Variants in CSMD3 observed in about 807,000 individuals in gnomAD.
CSMD3 encodes the protein CUB and Sushi multiple domains 3, also known as CUB and sushi domain-containing protein 3.
A neutral mutation model predicts 435.2 loss-of-function variants in CSMD3; 177 were observed. The ratio of observed to expected loss-of-function variants is 0.41; its 90% confidence interval spans 0.36 to 0.46. CSMD3 has a LOEUF of 0.46. Among genes scored for constraint, CSMD3 ranks in the 20% least tolerant of loss-of-function variants. The pLI, the probability that CSMD3 is intolerant of heterozygous loss-of-function variation, is 0.34. For synonymous variants in CSMD3, 1,656 were observed against 1,520.5 expected (o/e 1.09, Z -2.07); for missense variants, 4,265 against 4,504.6 (o/e 0.95, Z 1.52).
At chr8:112,727,605 C>CTA (rs200303477) in intron 13 of CSMD3, among the ~76,000 whole-genome samples, 9 of 151,426 alleles carry the variant, frequency 5.9e-5, no homozygotes, top group Non-Finnish European at 1.0e-4. Flanking sequence ...GACCATCAGC[C>CTA]TATATATATA....
At chr8:113,076,529 G>C (rs2089344163) in intron 5 of CSMD3, among the ~76,000 whole-genome samples, 1 of 151,898 alleles carries the variant, frequency 6.6e-6, no homozygotes, top group Non-Finnish European at 1.5e-5. Flanking sequence ...AGAAAAATGT[G>C]ATTAATGTAA....
At chr8:112,343,001 T>TTATATATATATATTTATATA (rs1825305324) in intron 41 of CSMD3, among the ~76,000 whole-genome samples, 1 of 109,678 alleles carries the variant, frequency 9.1e-6, no homozygotes, top group African/African-American at 3.5e-5. Context: ...ATATATATAT[T>TTATATATATATATTTATATA]TATATATATA....
At chr8:112,592,192 A>G (rs1831249807) in intron 22 of CSMD3, among the ~76,000 whole-genome samples, 2 of 152,044 alleles carry the variant, frequency 1.3e-5, no homozygotes, top group South Asian at 4.1e-4. Context: ...TTAAATAGGC[A>G]TTTCAATAAT....
chr8:113,298,941 TA>T (rs1322556862), intron 2 of CSMD3, among the ~76,000 whole-genome samples: 1 of 152,080 alleles, frequency 6.6e-6, no homozygotes, highest in Non-Finnish European at 1.5e-5. Context: ...AAGATAGGAG[TA>T]AAAAATATTT....
At chr8:112,501,428 T>C (rs1586534447) in intron 30 of CSMD3, among the ~76,000 whole-genome samples, 1 of 148,966 alleles carries the variant, frequency 6.7e-6, no homozygotes, top group South Asian at 2.1e-4. Context: ...AATCTCAGTA[T>C]GCAAAATAGG....
rs553352261 is a variant in CSMD3 at position 113,139,763 on chromosome 8, G to A, written c.709+33959C>T. 1.9e-4 allele frequency among the ~76,000 whole-genome samples: 28 copies of A among 151,178 alleles called. No individual in the cohort carries two copies. In the South Asian group the frequency reaches 5.2e-3, roughly 28 times the overall value. On this transcript the variant is annotated intron_variant, in intron 4 of 70. Transcript: ENST00000297405. ...TACACCAAACAATATAAAGAGATTG[G>A]CAAAGTTGATTGGAAAGCAGGACTC...
rs192606623 is a variant in CSMD3, at chr8:112,283,797, A to T, written c.9332-2447T>A. 5.2e-3 allele frequency among the ~76,000 whole-genome samples: 792 copies of T among 151,890 alleles called. 8 individuals carry two copies. The highest frequency in any genetic ancestry group is 0.033 in the South Asian group (161 of 4,832). On this transcript the variant is annotated intron_variant, in intron 58 of 70. Coordinates refer to ENST00000297405, the MANE Select transcript of CSMD3 (RefSeq NM_198123.2). The stretch of plus-strand genomic sequence containing the variant: ...ACTCTGTACATTAGTTCTATGTTTA[A>T]GATAAATATCTAAAATAATTTCTGG...
intron 3 of CSMD3, among the ~76,000 whole-genome samples, chr8:113,211,471 C>T (rs1006281700): frequency 6.6e-6 from 1 of 152,194 alleles, no homozygotes; most frequent in East Asian, 1.9e-4. Flanking sequence ...AAATGGATCA[C>T]TTGAGGTCAA....
intron 28 of CSMD3, among the ~76,000 whole-genome samples, chr8:112,512,698 G>A (rs532173519): frequency 6.6e-6 from 1 of 152,246 alleles, no homozygotes; most frequent in South Asian, 2.1e-4. Context: ...CCCTATAAGA[G>A]AGTCAGCCTG....
At chr8:112,331,614 A>T (rs1563799946) in intron 45 of CSMD3, among the ~76,000 whole-genome samples, 2 of 152,014 alleles carry the variant, frequency 1.3e-5, no homozygotes, top group African/African-American at 2.4e-5. Flanking sequence ...AACAAATAAA[A>T]CTTCAATGAT....
intron 47 of CSMD3, among the ~76,000 whole-genome samples, chr8:112,318,264 A>G (rs1822662221): frequency 6.6e-6 from 1 of 151,950 alleles, no homozygotes; most frequent in African/African-American, 2.4e-5. Context: ...TCCCTACCCC[A>G]CAACCGGTTA....
chr8:113,016,538 G>A (rs968641131), intron 6 of CSMD3, among the ~76,000 whole-genome samples: 2 of 151,700 alleles, frequency 1.3e-5, no homozygotes, highest in African/African-American at 4.8e-5. Flanking sequence ...AAATAGAAAC[G>A]TTATGAGTAA....
chr8:113,356,953 C>T (rs936794672), intron 1 of CSMD3, among the ~76,000 whole-genome samples: 1 of 151,926 alleles, frequency 6.6e-6, no homozygotes, highest in Non-Finnish European at 1.5e-5. Context: ...CTCTACAGCT[C>T]ATTTTTAAAG....
At chr8:112,654,345 G>T (rs897167576) in intron 18 of CSMD3, among the ~76,000 whole-genome samples, 1 of 152,144 alleles carries the variant, frequency 6.6e-6, no homozygotes, top group African/African-American at 2.4e-5. Flanking sequence ...TGATGTTGGA[G>T]ATTATTTCAC....
chr8:112,373,396 A>C (rs1466368514), intron 38 of CSMD3, among the ~76,000 whole-genome samples: 1 of 152,068 alleles, frequency 6.6e-6, no homozygotes, highest in Non-Finnish European at 1.5e-5. Context: ...TTGATAGGAA[A>C]AAGTTAATAT....
intron 1 of CSMD3, among the ~76,000 whole-genome samples, chr8:113,341,479 C>T (rs557381800): frequency 1.6e-4 from 24 of 152,228 alleles, no homozygotes; most frequent in Non-Finnish European, 3.4e-4. Flanking sequence ...AGATGCCACA[C>T]ACTGTACTAG....
chr8:112,721,789 G>T (rs1385873226), intron 13 of CSMD3, among the ~76,000 whole-genome samples: 2 of 152,010 alleles, frequency 1.3e-5, no homozygotes, highest in Non-Finnish European at 2.9e-5. Context: ...CCAGCGATTA[G>T]CCTCCCAAAT....
At chr8:112,226,262 AT>A (rs1194898655) in intron 70 of CSMD3, among the ~76,000 whole-genome samples, 3 of 151,964 alleles carry the variant, frequency 2.0e-5, no homozygotes, top group African/African-American at 2.4e-5. Flanking sequence ...ACTGGATCAT[AT>A]TTTTTTTCCA....
At chr8:112,689,094 T>A (rs1245297531) in intron 14 of CSMD3, among the ~76,000 whole-genome samples, 4 of 152,080 alleles carry the variant, frequency 2.6e-5, no homozygotes, top group African/African-American at 9.7e-5. Flanking sequence ...CACCAAGTAA[T>A]CTTGGTTAAA....
Sources: gnomAD v4.1 joint callset for allele counts (sites outside exome capture counted in the v4.1 genomes callset) on GRCh38, gnomAD v4.1.1 for gene constraint, MANE v1.5 for transcripts, NCBI Gene and HGNC (gene_info 2026-07-23, HGNC 2026-07-21) for gene names.